C12orf42: variants seen among roughly 807,000 people sequenced by gnomAD.
The protein encoded by C12orf42 is uncharacterized protein C12orf42.
A neutral mutation model predicts 21.6 loss-of-function variants in C12orf42; 25 were observed. The observed-to-expected ratio is 1.16, with a 90% CI of 0.84 to 1.62. The LOEUF is 1.62. Ranked by LOEUF, C12orf42 falls within the 40% of genes most tolerant of loss-of-function variation. The probability of loss-of-function intolerance (pLI) is 0.00; values close to 1 mark genes in which losing one functional copy is unlikely to be tolerated. For synonymous variants in C12orf42, 174 were observed against 175.0 expected (o/e 0.99, Z 0.05); for missense variants, 483 against 459.3 (o/e 1.05, Z -0.47).
At chr12:103,440,462 A>G (rs1337980453) in intron 2 of C12orf42, among the ~76,000 whole-genome samples, 1 of 144,414 alleles carries the variant, frequency 6.9e-6, no homozygotes, top group Non-Finnish European at 1.5e-5. Context: ...GATACCAAAA[A>G]AAAAAAAAAA....
chr12:103,243,773 GTCAC>G (rs1157870589), intron 10 of C12orf42, among the ~76,000 whole-genome samples: 14 of 152,074 alleles, frequency 9.2e-5, no homozygotes, highest in Non-Finnish European at 4.4e-5. Flanking sequence ...ACAAAGTCAG[GTCAC>G]TTGTGTTTTG....
intron 4 of C12orf42, among the ~76,000 whole-genome samples, chr12:103,291,641 T>C (rs1182505294): frequency 4.6e-5 from 7 of 152,144 alleles, no homozygotes; most frequent in Non-Finnish European, 2.9e-5. Context: ...TTCCCAGACT[T>C]GAGGGTTCCT....
intron 4 of C12orf42, among the ~76,000 whole-genome samples, chr12:103,346,182 C>T (rs959191591): frequency 2.6e-5 from 4 of 152,136 alleles, no homozygotes; most frequent in Non-Finnish European, 5.9e-5. Flanking sequence ...ACAGTTTTGA[C>T]TGTAATCACT....
chr12:103,300,899 A>T (rs769055620), downstream of C12orf42, among the ~76,000 whole-genome samples: 12 of 152,214 alleles, frequency 7.9e-5, no homozygotes, highest in Non-Finnish European at 1.3e-4. Flanking sequence ...ATGAATAAAA[A>T]TAAAAGCATA....
chr12:103,453,821 C>T (rs1458486233), intron 2 of C12orf42, among the ~76,000 whole-genome samples: 1 of 152,010 alleles, frequency 6.6e-6, no homozygotes, highest in Non-Finnish European at 1.5e-5. Flanking sequence ...TGTACTTGTT[C>T]CACACAATGG....
the C12orf42 span, among the ~76,000 whole-genome samples, chr12:103,191,743 T>TAAAAAAAAA: frequency 8.2e-6 from 1 of 122,076 alleles, no homozygotes; most frequent in African/African-American, 3.1e-5. Flanking sequence ...ACTCTGTGTC[T>TAAAAAAAAA]AAAAAAAAAA....
At chr12:103,439,576 C>A (rs1425994828) in intron 2 of C12orf42, among the ~76,000 whole-genome samples, 1 of 140,376 alleles carries the variant, frequency 7.1e-6, no homozygotes, top group Admixed American at 7.3e-5. Context: ...AAACAAACAA[C>A]CCCATCAAAA....
the C12orf42 span, among the ~76,000 whole-genome samples, chr12:103,520,524 T>TAACAACAACAACAACAACAAC: frequency 6.7e-6 from 1 of 149,954 alleles, no homozygotes; most frequent in Admixed American, 6.6e-5. Flanking sequence ...CCTCTGCCCC[T>TAACAACAACAACAACAACAAC]AACAACAACA....
chr12:103,382,873 A>G (rs2046302260), intron 3 of C12orf42, among the ~76,000 whole-genome samples: 1 of 152,002 alleles, frequency 6.6e-6, no homozygotes, highest in Admixed American at 6.6e-5. Flanking sequence ...CTCCAAAATC[A>G]CTAACCTTTC....
chr12:103,376,595 G>A (rs369436398), intron 3 of C12orf42, among the ~76,000 whole-genome samples: 1 of 150,788 alleles, frequency 6.6e-6, no homozygotes, highest in Non-Finnish European at 1.5e-5. Flanking sequence ...AAATTTCCCT[G>A]TCTTTTAGCA....
chr12:103,435,353 T>TCCAAAGGAA (rs1950610535), intron 2 of C12orf42, among the ~76,000 whole-genome samples: 1 of 152,190 alleles, frequency 6.6e-6, no homozygotes, highest in Non-Finnish European at 1.5e-5. Context: ...CCTCTCCTCC[T>TCCAAAGGAA]CCAAAGGAAC....
At chr12:103,227,526 A>C in the C12orf42 span, among the ~76,000 whole-genome samples, 1 of 152,000 alleles carries the variant, frequency 6.6e-6, no homozygotes, top group African/African-American at 2.4e-5. Flanking sequence ...CCCATAGAAA[A>C]GTGGGACTTG....
intron 2 of C12orf42, among the ~76,000 whole-genome samples, chr12:103,434,459 CG>C (rs1565819573): frequency 6.6e-6 from 1 of 152,114 alleles, no homozygotes; most frequent in South Asian, 2.1e-4. Flanking sequence ...ACGCAGAGGA[CG>C]GGTGATTTCT....
intron 4 of C12orf42, among the ~76,000 whole-genome samples, chr12:103,290,063 T>C (rs2036698126): frequency 6.6e-6 from 1 of 151,828 alleles, no homozygotes; most frequent in Non-Finnish European, 1.5e-5. Flanking sequence ...AAGAGAGAAG[T>C]GGAAGGAAAG....
the C12orf42 span, among the ~76,000 whole-genome samples, chr12:103,151,444 A>G: frequency 6.6e-6 from 1 of 152,222 alleles, no homozygotes; most frequent in Non-Finnish European, 1.5e-5. Flanking sequence ...GAAAAATTAC[A>G]GATCAATATA....
intron 2 of C12orf42, among the ~76,000 whole-genome samples, chr12:103,433,336 C>A (rs1950406234): frequency 6.6e-6 from 1 of 152,166 alleles, no homozygotes; most frequent in Non-Finnish European, 1.5e-5. Flanking sequence ...GGAGCTAGCA[C>A]AATTATTAAT....
chr12:103,416,078 G>T (rs1321609687), intron 2 of C12orf42, among the ~76,000 whole-genome samples: 2 of 151,190 alleles, frequency 1.3e-5, no homozygotes, highest in African/African-American at 2.4e-5. Flanking sequence ...GTGTATACGT[G>T]TATACATGTG....
At chr12:103,527,988 G>A in the C12orf42 span, among the ~76,000 whole-genome samples, 1 of 152,158 alleles carries the variant, frequency 6.6e-6, no homozygotes, top group Non-Finnish European at 1.5e-5. Context: ...TTTCACAATA[G>A]CCATTCAGAT....
the C12orf42 span, among the ~76,000 whole-genome samples, chr12:103,551,170 T>C: frequency 1.3e-5 from 2 of 152,156 alleles, no homozygotes; most frequent in African/African-American, 2.4e-5. Flanking sequence ...CTCCACTTCT[T>C]TTTCTTTCTT....
Sources: allele counts gnomAD v4.1 joint callset (sites outside exome capture counted in the v4.1 genomes callset), GRCh38; gene constraint gnomAD v4.1.1; transcripts MANE v1.5; gene names NCBI Gene and HGNC (gene_info 2026-07-23, HGNC 2026-07-21).